Variants in DAB1 observed in about 807,000 individuals in gnomAD.
DAB1 encodes the protein disabled homolog 1.
Under a neutral mutation model 64.6 loss-of-function variants are expected in DAB1, and 15 were observed. That is an observed-to-expected ratio of 0.23 (90% CI 0.16 to 0.36). The LOEUF (loss-of-function observed/expected upper bound fraction) is 0.36. Among genes scored for constraint, DAB1 ranks in the 10% least tolerant of loss-of-function variants. The pLI is 1.00. For missense variants in DAB1, 596 were observed against 706.7 expected (o/e 0.84, Z 1.78); for synonymous variants, 235 against 251.9 (o/e 0.93, Z 0.64).
chr1:57,421,902 C>CGGGGGGGG (rs1309675216), intron 1 of DAB1, among the ~76,000 whole-genome samples: 1 of 11,706 alleles, frequency 8.5e-5, no homozygotes, highest in African/African-American at 2.9e-4. Flanking sequence ...TGGGGGGTGG[C>CGGGGGGGG]GGGGGGGGGG....
At chr1:58,126,183 A>C (rs1472730073) in intron 5 of DAB1, among the ~76,000 whole-genome samples, 3 of 152,184 alleles carry the variant, frequency 2.0e-5, no homozygotes, top group Non-Finnish European at 2.9e-5. Context: ...TAAAGAACCC[A>C]CTTGGCATGG....
intron 2 of DAB1, among the ~76,000 whole-genome samples, chr1:57,154,498 C>A (rs1453884683): frequency 1.3e-5 from 2 of 152,208 alleles, no homozygotes; most frequent in East Asian, 3.8e-4. Flanking sequence ...AGTGCTGCAA[C>A]AAACATGAGA....
intron 2 of DAB1, among the ~76,000 whole-genome samples, chr1:57,226,309 A>G (rs1040049086): frequency 3.9e-5 from 6 of 152,272 alleles, no homozygotes; most frequent in Middle Eastern, 3.4e-3. Context: ...TCATCTGTCA[A>G]ACTTAATGCC....
At chr1:57,487,964 C>T (rs1644112646) in intron 7 of DAB1, among the ~76,000 whole-genome samples, 2 of 152,038 alleles carry the variant, frequency 1.3e-5, no homozygotes, top group Non-Finnish European at 2.9e-5. Flanking sequence ...TTGTAATAAC[C>T]ATCCTTATAC....
intron 2 of DAB1, among the ~76,000 whole-genome samples, chr1:57,270,992 T>C (rs1383687727): frequency 2.0e-5 from 3 of 152,110 alleles, no homozygotes; most frequent in African/African-American, 7.2e-5. Flanking sequence ...AGACTTTCAC[T>C]CCATAATCTC....
chr1:57,781,408 C>T (rs1650092598), intron 6 of DAB1, among the ~76,000 whole-genome samples: 1 of 151,708 alleles, frequency 6.6e-6, no homozygotes, highest in Admixed American at 6.6e-5. Flanking sequence ...GTCTCTATTT[C>T]ATGGAGGTAA....
chr1:58,082,180 T>C (rs1650036179), intron 5 of DAB1, among the ~76,000 whole-genome samples: 1 of 152,296 alleles, frequency 6.6e-6, no homozygotes, highest in Admixed American at 6.5e-5. Flanking sequence ...GATTCCTTTA[T>C]TATGATTTTG....
rs570429952 is a variant in DAB1, at chr1:57,355,386, TTCCTTCCG to T, written c.-136-64228_-136-64221del. On this transcript the variant is annotated intron_variant, in intron 1 of 14. Transcript: ENST00000371236. ...CTTCCTTCCTTCGTTCCTTCCTTCC[TTCCTTCCG>T]TCCTTCCGTCCTTCCTTCCACATTT... is the stretch of plus-strand genomic sequence containing the variant. Among the ~76,000 whole-genome samples the T allele has an allele frequency of 1.5e-4, 23 of 151,790 alleles. No individual in the cohort carries two copies. In the Middle Eastern group the frequency reaches 0.01, roughly 67 times the overall value.
At chr1:57,777,319 C>T (rs548868197) in intron 6 of DAB1, among the ~76,000 whole-genome samples, 3 of 151,440 alleles carry the variant, frequency 2.0e-5, no homozygotes, top group African/African-American at 7.2e-5. Flanking sequence ...GCTTGATTTT[C>T]ATTTAATTTC....
At chr1:58,402,706 C>T (rs1389760932) in intron 3 of DAB1, among the ~76,000 whole-genome samples, 2 of 151,962 alleles carry the variant, frequency 1.3e-5, no homozygotes, top group South Asian at 2.1e-4. Flanking sequence ...GAACTTTTTC[C>T]GCGTTTATTT....
intron 1 of DAB1, among the ~76,000 whole-genome samples, chr1:57,318,723 G>T: frequency 8.7e-6 from 1 of 115,140 alleles, no homozygotes. Context: ...TGTTTACCCG[G>T]TAATTTGCAA....
At chr1:57,777,734 A>T (rs1381420432) in intron 6 of DAB1, among the ~76,000 whole-genome samples, 1 of 151,982 alleles carries the variant, frequency 6.6e-6, no homozygotes, top group Non-Finnish European at 1.5e-5. Context: ...TAAGTCCATC[A>T]TCTCTGCCAT....
At chr1:58,174,028 T>A (rs1392190191) in intron 4 of DAB1, among the ~76,000 whole-genome samples, 1 of 152,132 alleles carries the variant, frequency 6.6e-6, no homozygotes, top group African/African-American at 2.4e-5. Context: ...ACAAAACCTA[T>A]CCTGACTCTA....
intron 3 of DAB1, among the ~76,000 whole-genome samples, chr1:58,485,078 AATTGT>A (rs1645551502): frequency 1.3e-5 from 2 of 151,978 alleles, no homozygotes; most frequent in Admixed American, 1.3e-4. Context: ...TAGGTTCATC[AATTGT>A]AACTAATATT....
At chr1:58,053,605 A>AG (rs1275425216) in intron 5 of DAB1, among the ~76,000 whole-genome samples, 1 of 152,136 alleles carries the variant, frequency 6.6e-6, no homozygotes, top group African/African-American at 2.4e-5. Context: ...TGAAGTTTGG[A>AG]GGGGACAAAT....
At chr1:57,567,613 T>C (rs1273207065) in intron 7 of DAB1, among the ~76,000 whole-genome samples, 6 of 152,066 alleles carry the variant, frequency 3.9e-5, no homozygotes, top group African/African-American at 7.2e-5. Flanking sequence ...AAAAATCACA[T>C]GCATTCTTAT....
chr1:58,487,144 G>C (rs1015822421), intron 3 of DAB1, among the ~76,000 whole-genome samples: 5 of 152,232 alleles, frequency 3.3e-5, no homozygotes, highest in Admixed American at 6.5e-5. Context: ...TAACTTGGGA[G>C]GAGATGATGG....
chr1:57,644,956 G>A (rs1646175040), intron 7 of DAB1, among the ~76,000 whole-genome samples: 2 of 152,200 alleles, frequency 1.3e-5, no homozygotes, highest in Admixed American at 6.5e-5. Flanking sequence ...ACCTGTAGAA[G>A]CCAGAGTCCT....
At chr1:57,000,448 C>G (rs1475979081) in intron 14 of DAB1, among the ~76,000 whole-genome samples, 1 of 152,296 alleles carries the variant, frequency 6.6e-6, no homozygotes, top group Non-Finnish European at 1.5e-5. Context: ...CCTCACAGTT[C>G]TGATCCCTTT....
Sources: gnomAD v4.1 joint callset for allele counts (sites outside exome capture counted in the v4.1 genomes callset) on GRCh38, gnomAD v4.1.1 for gene constraint, MANE v1.5 for transcripts, NCBI Gene and HGNC (gene_info 2026-07-23, HGNC 2026-07-21) for gene names.